Variants in MYBBP1A observed in about 807,000 individuals in gnomAD.
MYBBP1A encodes the protein MYB binding protein 1a.
A neutral mutation model predicts 136.3 loss-of-function variants in MYBBP1A; 147 were observed. The observed-to-expected ratio is 1.08, with a 90% confidence interval of 0.94 to 1.24. The LOEUF (loss-of-function observed/expected upper bound fraction) is 1.24. Among genes scored for constraint, MYBBP1A ranks in the 50% most tolerant of loss-of-function variants. The pLI, the probability that MYBBP1A is intolerant of heterozygous loss-of-function variation, is 0.00. For synonymous variants in MYBBP1A, 947 were observed against 735.8 expected, an observed-to-expected ratio of 1.29 and a Z score of -4.65; for missense variants, 2,060 against 1,727.4, an observed-to-expected ratio of 1.19 and a Z score of -3.41.
At chr17:4,550,810 G>A (rs921591092) in intron 8 of MYBBP1A, among the ~76,000 whole-genome samples, 1 of 152,266 alleles carries the variant, frequency 6.6e-6, no homozygotes, top group Non-Finnish European at 1.5e-5. Flanking sequence ...CCTCTCACGC[G>A]CTTACTCAGT....
In MYBBP1A at chr17:4,552,375, C is replaced by T; in HGVS notation, c.737+76G>A. 1 of 1,602,890 alleles carries T rather than the reference C, an allele frequency of 6.2e-7. No individual in the cohort carries two copies. The highest frequency in any genetic ancestry group is 1.3e-5 in the African/African-American group (1 of 74,858). On this transcript the variant is annotated intron_variant, in intron 6 of 25. Coordinates refer to ENST00000254718, the MANE Select transcript of MYBBP1A (RefSeq NM_014520.4). The surrounding 1 kb of genome is among the most constrained non-coding windows in gnomAD (Gnocchi z 4.7). ...AAGAGCAGCCGGGACACCCCCAGGCCAAACGACAAATCTGGGCCTGGCCAG... is the reference window on the plus strand; with the variant it reads ...AAGAGCAGCCGGGACACCCCCAGGCTAAACGACAAATCTGGGCCTGGCCAG...
Position 4,550,211 on chromosome 17 carries a change from G to A in MYBBP1A, c.1166C>T (p.Pro389Leu), listed in dbSNP as rs1003212432. 1.3e-5 allele frequency: 21 copies of A among 1,613,764 alleles called. No individual in the cohort carries two copies. The African/African-American group carries it at 2.3e-4, about 17-fold the overall frequency. ...GAACCGCACGACCCGCCAGAAAGTA[G>A]GCGTGACAGGGAGGCCTTGGTTGGT... Reference protein sequence around the residue: ...SVTNQGLPVTPTFWRVVRFLS... With the variant: ...SVTNQGLPVTLTFWRVVRFLS... Residue 389 changes from proline (P) to leucine (L), a missense_variant, in exon 9 of 26, where the codon CCT (proline) becomes CTT (leucine). Transcript: ENST00000254718.
At position 4,545,263 on chromosome 17, in the gene MYBBP1A, G is replaced by A. The variant is rs761270398; in HGVS notation, c.2156C>T (p.Ala719Val). The change falls in exon 16 of 26, where the codon GCA becomes GTA. Residue 719 changes from alanine (A) to valine (V), a missense_variant. Transcript: ENST00000254718. ...DDSDERRLKG[A>V]EDKSEEGEDN... ...CCCGGCCCATGCTGGCAACACCTCT[G>A]CACCCTTCAGCCGCCGCTCATCAGA... The A allele has an allele frequency of 4.6e-5, 74 of 1,611,286 alleles. No homozygotes were observed. Among genetic ancestry groups the A allele is most frequent in the Non-Finnish European group, 5.9e-5 (70 of 1,179,620 alleles).
At chr17:4,544,351 C>A (rs1243688490) in intron 19 of MYBBP1A, 138 bp downstream of exon 19, 1 of 1,113,362 alleles carries the variant, frequency 9.0e-7, no homozygotes, top group Non-Finnish European at 1.3e-6. Flanking sequence ...TAGGGCTGAG[C>A]AGTGAGCCTG....
chr17:4,544,523 G>T lies in MYBBP1A; in HGVS notation c.2605C>A (p.Gln869Lys). 3.2e-6 allele frequency: 5 copies of T among 1,553,952 alleles called. No individual in the cohort carries two copies. The highest frequency in any genetic ancestry group is 4.4e-6 in the Non-Finnish European group (5 of 1,149,236). ...CGCGCCGTCTTGTGCAGAAGGTCCT[G>T]CTCCTGTTTGGAGCTGCTGCTGCGC... ...SLRSSSSKQE[Q>K]DLLHKTARIF... The change falls in exon 19 of 26, where the codon CAG becomes AAG. Residue 869 changes from glutamine to lysine, a missense_variant. Coordinates refer to ENST00000254718, the MANE Select transcript of MYBBP1A (RefSeq NM_014520.4).
intron 13 of MYBBP1A, 39 bp downstream of exon 13, chr17:4,547,919 A>C: frequency 1.4e-6 from 2 of 1,423,936 alleles, no homozygotes. Flanking sequence ...GTGCCATAGA[A>C]CCCCAGGCTC....
rs1320738412 is a variant in MYBBP1A, at chr17:4,548,559, G to GT, written c.1520dup (p.Asn507LysfsTer109). 5.0e-6 allele frequency: 8 copies of GT among 1,614,224 alleles called. No individual in the cohort carries two copies. Among genetic ancestry groups the GT allele is most frequent in the African/African-American group, 1.3e-5 (1 of 75,070 alleles). On this transcript the variant is annotated frameshift_variant, in exon 11 of 26. Coordinates refer to ENST00000254718, the MANE Select transcript of MYBBP1A (RefSeq NM_014520.4). LOFTEE classifies it high-confidence loss of function. The surrounding 1 kb of genome is among the most constrained non-coding windows in gnomAD (Gnocchi z 4.2). Reference sequence around the variant, plus strand: ...CACTGCTGACAGCCTCTCGGGCCTGGTTTTCCAAAGGGAAGGAGAACGGGT... The same window carrying GT: ...CACTGCTGACAGCCTCTCGGGCCTGGTTTTTCCAAAGGGAAGGAGAACGGGT...
At position 4,555,305 on chromosome 17, in the gene MYBBP1A, G is replaced by A. The variant is rs1429190950; in HGVS notation, c.20C>T (p.Ala7Val). MESRDPAQPMSPGEATQ... is the reference protein window; with the variant it reads MESRDPVQPMSPGEATQ... ...CGCTTCTCCAGGCGACATCGGCTGGGCGGGATCCCGGCTCTCCATCTCCGC... is the reference window on the plus strand; with the variant it reads ...CGCTTCTCCAGGCGACATCGGCTGGACGGGATCCCGGCTCTCCATCTCCGC... The change falls in exon 1 of 26, where the codon GCC becomes GTC. Residue 7 changes from alanine (A) to valine (V), a missense_variant. Physicochemically the swap from Ala to Val is moderately conservative, Grantham distance 64. Coordinates refer to ENST00000254718, the MANE Select transcript of MYBBP1A (RefSeq NM_014520.4). 3 of 1,600,898 alleles carry A rather than the reference G, an allele frequency of 1.9e-6. No homozygotes were observed. Among genetic ancestry groups the A allele is most frequent in the South Asian group, 1.1e-5 (1 of 89,188 alleles).
intron 2 of MYBBP1A, 123 bp from the exon 3 acceptor site, chr17:4,554,401 C>T (rs1047401181): frequency 1.9e-5 from 14 of 749,610 alleles, no homozygotes; most frequent in African/African-American, 3.5e-5. Context: ...CCTAGTCCCA[C>T]CTTCTATGTA....
chr17:4,544,899 T>C lies in MYBBP1A; in HGVS notation c.2333A>G (p.Glu778Gly), dbSNP rs868021182. The change falls in exon 18 of 26, where the codon GAG (glutamate) becomes GGG (glycine). Residue 778 changes from glutamate to glycine, a missense_variant. Glu to Gly is a moderately conservative substitution (Grantham distance 98). Coordinates refer to ENST00000254718, the MANE Select transcript of MYBBP1A (RefSeq NM_014520.4). ...CATGGCCTCATCCCCCAGCTCCTCC[T>C]CGTTCTCACTGTCCTCTCCACCCTG... ...KALGGEDSEN[E>G]EELGDEAMMA... 1 of 1,603,882 alleles carries C rather than the reference T, an allele frequency of 6.2e-7. No individual in the cohort carries two copies. Among genetic ancestry groups the C allele is most frequent in the Non-Finnish European group, 8.5e-7 (1 of 1,174,624 alleles).
At position 4,552,554 on chromosome 17, in the gene MYBBP1A, G is replaced by A. The variant is rs141117140; in HGVS notation, c.634C>T (p.Pro212Ser). Residue 212 changes from proline to serine, a missense_variant, in exon 6 of 26, where the codon CCT (proline) becomes TCT (serine). Transcript: ENST00000254718. This position sits in a 1 kb window ranked among gnomAD's most constrained non-coding sequence, Gnocchi z 4.7. ...KADLNIILSS[P>S]EQLELFLLAQ... Reference sequence around the variant, plus strand: ...AGGAGGAAGAGCTCTAGCTGTTCAGGGGAGCTGAGTATTATATTCAAGTCG... The same window carrying A: ...AGGAGGAAGAGCTCTAGCTGTTCAGAGGAGCTGAGTATTATATTCAAGTCG... 1.4e-5 allele frequency: 23 copies of A among 1,613,946 alleles called. No homozygotes were observed. The highest frequency in any genetic ancestry group is 9.3e-5 in the African/African-American group (7 of 74,932).
chr17:4,541,432 A>T, intron 24 of MYBBP1A, 31 bp downstream of exon 24: 1 of 1,598,830 alleles, frequency 6.3e-7, no homozygotes, highest in Admixed American at 1.7e-5. Flanking sequence ...GAGGAACCCG[A>T]ACACGACCGC....
In MYBBP1A at chr17:4,552,092, A is replaced by T; in HGVS notation, c.905+33T>A. On this transcript the variant is annotated intron_variant, in intron 7 of 25. Coordinates refer to ENST00000254718, the MANE Select transcript of MYBBP1A (RefSeq NM_014520.4). This position sits in a 1 kb window ranked among gnomAD's most constrained non-coding sequence, Gnocchi z 4.7. ...GCCTAGCCCACTTCACGGACAGGGA[A>T]GGGGGCCGAGAGAGGACACGCGTCG... The T allele has an allele frequency of 1.2e-6, 2 of 1,605,136 alleles. No homozygotes were observed. Among genetic ancestry groups the T allele is most frequent in the Non-Finnish European group, 8.5e-7 (1 of 1,174,928 alleles).
chr17:4,551,870 C>T lies in MYBBP1A; in HGVS notation c.1023+10G>A, dbSNP rs371447129. 8.7e-6 allele frequency: 14 copies of T among 1,609,460 alleles called. No homozygotes were observed. Among genetic ancestry groups the T allele is most frequent in the Middle Eastern group, 1.8e-4 (1 of 5,628 alleles). ...TTCTGGCAGTGTCGAGCTGCACGGGCATTACCCACCTTAGCAGTGCACACG... is the reference window on the plus strand; with the variant it reads ...TTCTGGCAGTGTCGAGCTGCACGGGTATTACCCACCTTAGCAGTGCACACG... On this transcript the variant is annotated intron_variant, in intron 8 of 25. Transcript: ENST00000254718.
chr17:4,548,210 A>T lies in MYBBP1A; in HGVS notation c.1657T>A (p.Leu553Met). ...GTGGTCACGTTGTGGCTGTGATTCA[A>T]CAGGAGGTCTGCGAACTGCACCAGG... ...YHLVQFADLL[L>M]NHSHNVTTVT... Residue 553 changes from leucine to methionine, a missense_variant, in exon 12 of 26, where the codon TTG (leucine) becomes ATG (methionine). Coordinates refer to ENST00000254718, the MANE Select transcript of MYBBP1A (RefSeq NM_014520.4). The surrounding 1 kb of genome is among the most constrained non-coding windows in gnomAD (Gnocchi z 4.2). 6.2e-7 allele frequency: 1 copy of T among 1,609,280 alleles called. No individual in the cohort carries two copies. The highest frequency in any genetic ancestry group is 1.6e-4 in the Middle Eastern group (1 of 6,062).
Position 4,548,287 on chromosome 17 carries a change from T to C in MYBBP1A, c.1580A>G (p.Gln527Arg), listed in dbSNP as rs1484718330. ...GGTCTGGCCCGGTGCCTGCTTGAAC[T>C]GCGTGCTGAGGGTCTGCAACAGACT... ...FFSLLQTLST[Q>R]FKQAPGQTQG... The change falls in exon 12 of 26, where the codon CAG becomes CGG. Residue 527 changes from glutamine (Q) to arginine (R), a missense_variant. By Grantham distance (43) the Gln-to-Arg change is conservative (BLOSUM62 1). Coordinates refer to ENST00000254718, the MANE Select transcript of MYBBP1A (RefSeq NM_014520.4). This position sits in a 1 kb window ranked among gnomAD's most constrained non-coding sequence, Gnocchi z 4.2. 1.2e-6 allele frequency: 2 copies of C among 1,612,534 alleles called. No individual in the cohort carries two copies. The highest frequency in any genetic ancestry group is 8.5e-7 in the Non-Finnish European group (1 of 1,179,956).
chr17:4,547,927 C>T (rs1486429152), intron 13 of MYBBP1A, 31 bp downstream of exon 13: 3 of 1,443,620 alleles, frequency 2.1e-6, no homozygotes, highest in Non-Finnish European at 2.7e-6. Flanking sequence ...GAACCCCAGG[C>T]TCACAGCCCC....
chr17:4,540,931 G>T (rs960658635), intron 24 of MYBBP1A, among the ~76,000 whole-genome samples: 1 of 152,224 alleles, frequency 6.6e-6, no homozygotes, highest in Non-Finnish European at 1.5e-5. Flanking sequence ...GTAAGGCCCC[G>T]TCCCGGGCCC....
chr17:4,553,538 C>T (rs977069431), intron 5 of MYBBP1A, among the ~76,000 whole-genome samples: 1 of 152,178 alleles, frequency 6.6e-6, no homozygotes, highest in South Asian at 2.1e-4. Context: ...TTTGGAGACA[C>T]CTGACAAAAA....
Sources: gnomAD v4.1 joint callset for allele counts (sites outside exome capture counted in the v4.1 genomes callset) on GRCh38, gnomAD v4.1.1 for gene constraint, Gnocchi (gnomAD v3.1) non-coding constraint, MANE v1.5 for transcripts, NCBI Gene and HGNC (gene_info 2026-07-23, HGNC 2026-07-21) for gene names.